The following PI4KA variants were observed in gnomAD, a reference collection of about 807,000 sequenced individuals.
PI4KA encodes the protein phosphatidylinositol 4-kinase alpha.
A neutral mutation model predicts 271.4 loss-of-function variants in PI4KA; 122 were observed. The observed-to-expected ratio is 0.45, with a 90% CI of 0.39 to 0.52. The LOEUF is 0.52. Ranked by LOEUF, PI4KA falls within the 20% of genes least tolerant of loss-of-function variation. The pLI is 0.00. For synonymous variants in PI4KA, 1,041 were observed against 1,078.8 expected (o/e 0.96, Z 0.69); for missense variants, 1,969 against 2,769.1 (o/e 0.71, Z 6.48).
In PI4KA at chr22:20,733,821, G is replaced by C. The variant is rs372615565; in HGVS notation, c.4075C>G (p.Leu1359Val). The C allele has an allele frequency of 2.5e-6, 4 of 1,612,144 alleles. No individual in the cohort carries two copies. The highest frequency in any genetic ancestry group is 2.7e-5 in the African/African-American group (2 of 74,866). ...TTTGGAACCACATCGGCATGCAGGAGGGACAGCCCCAGGGTCAGCAGCCTG... is the reference window on the plus strand; with the variant it reads ...TTTGGAACCACATCGGCATGCAGGACGGACAGCCCCAGGGTCAGCAGCCTG... ...RFKLLTLGLS[L>V]LHADVVPNAT... The change falls in exon 35 of 55, where the codon CTC becomes GTC. Residue 1359 changes from leucine (L) to valine (V), a missense_variant. By Grantham distance (32) the Leu-to-Val change is conservative. Transcript: ENST00000255882.
chr22:20,779,399 G>GT, intron 19 of PI4KA: 1 of 1,614,226 alleles, frequency 6.2e-7, no homozygotes, highest in Non-Finnish European at 8.5e-7. Context: ...ATCAGCTAGA[G>GT]AAAGGAGGGG....
chr22:20,729,340 G>T lies in PI4KA; in HGVS notation c.4655C>A (p.Pro1552His). 1.2e-6 allele frequency: 2 copies of T among 1,613,964 alleles called. No individual in the cohort carries two copies. Among genetic ancestry groups the T allele is most frequent in the Non-Finnish European group, 1.7e-6 (2 of 1,179,936 alleles). The change falls in exon 39 of 55, where the codon CCC becomes CAC. Residue 1552 changes from proline (P) to histidine (H), a missense_variant. Around this residue, in one of 13 missense-constraint regions of PI4KA, gnomAD observed 388 missense variants for 521.5 expected, o/e 0.74. Transcript: ENST00000255882. The stretch of plus-strand genomic sequence containing the variant: ...GGCAGGCAGCTGCACGGCTAGGTAG[G>T]GAGAGATGCTCCAGGCGAGGTTCAC... The part of the protein sequence containing the change: ...DNVNLAWSIS[P>H]YLAVQLPARF...
At chr22:20,823,213 C>T (rs1922940751) in intron 4 of PI4KA, among the ~76,000 whole-genome samples, 1 of 152,156 alleles carries the variant, frequency 6.6e-6, no homozygotes, top group African/African-American at 2.4e-5. Context: ...CGCACCCAGC[C>T]ACTTTTTCCA....
chr22:20,813,251 C>G (rs1037265834), intron 8 of PI4KA, 107 bp downstream of exon 8: 2 of 811,920 alleles, frequency 2.5e-6, no homozygotes, highest in Non-Finnish European at 4.1e-6. Flanking sequence ...TTAAATTGTA[C>G]TTTGAAATAC....
intron 19 of PI4KA, among the ~76,000 whole-genome samples, chr22:20,778,708 A>C (rs1933504322): frequency 6.6e-6 from 1 of 152,132 alleles, no homozygotes; most frequent in African/African-American, 2.4e-5. Context: ...ACTAATGCAC[A>C]TCCCTTCTAG....
chr22:20,732,131 G>A (rs1928147351), intron 36 of PI4KA, among the ~76,000 whole-genome samples: 1 of 146,314 alleles, frequency 6.8e-6, no homozygotes, highest in Non-Finnish European at 1.5e-5. Context: ...CCGAGATTGT[G>A]CCACTGCACT....
In PI4KA at chr22:20,721,421, G is replaced by A; in HGVS notation, c.4996-3C>T. ...ATATACTCCCGCACATAGCCCATCT[G>A]CAGGAGAGCAAGGTCCCTGTCAGCC... On this transcript the variant is annotated splice_region_variant and splice_polypyrimidine_tract_variant and intron_variant, in intron 42 of 54. Coordinates refer to ENST00000255882, the MANE Select transcript of PI4KA (RefSeq NM_058004.4). 1.9e-6 allele frequency: 3 copies of A among 1,613,420 alleles called. No homozygotes were observed. The highest frequency in any genetic ancestry group is 1.7e-6 in the Non-Finnish European group (2 of 1,179,838).
chr22:20,751,564 T>C, intron 26 of PI4KA, 110 bp downstream of exon 26: 3 of 1,044,496 alleles, frequency 2.9e-6, no homozygotes, highest in Non-Finnish European at 3.0e-6. Context: ...GCATTAATTA[T>C]GTTCAGGCTT....
At chr22:20,788,929 C>T in intron 19 of PI4KA, among the ~76,000 whole-genome samples, 1 of 152,168 alleles carries the variant, frequency 6.6e-6, no homozygotes. Flanking sequence ...CCATGTCTGT[C>T]CCATACCCAG....
At chr22:20,793,801 T>C (rs1367515720) in intron 18 of PI4KA, among the ~76,000 whole-genome samples, 1 of 152,236 alleles carries the variant, frequency 6.6e-6, no homozygotes, top group Non-Finnish European at 1.5e-5. Flanking sequence ...GGTTACTTAA[T>C]AAAAGATAGA....
intron 1 of PI4KA, among the ~76,000 whole-genome samples, chr22:20,843,001 G>A (rs1419721149): frequency 6.6e-6 from 1 of 151,574 alleles, no homozygotes; most frequent in Non-Finnish European, 1.5e-5. Context: ...GGGAGGCTGA[G>A]GCAGGAGAAT....
intron 2 of PI4KA, 100 bp from the exon 3 acceptor site, chr22:20,834,755 C>T (rs9620583): frequency 1.4e-6 from 1 of 697,148 alleles, no homozygotes; most frequent in Admixed American, 2.3e-5. Context: ...TATCCACATC[C>T]TAATCATCTC....
intron 42 of PI4KA, 44 bp from the exon 43 acceptor site, chr22:20,721,462 C>T (rs754718678): frequency 6.2e-7 from 1 of 1,607,316 alleles, no homozygotes; most frequent in South Asian, 1.1e-5. Context: ...CGGCCCTCTC[C>T]ATGAGGAGGG....
chr22:20,804,347 T>C lies in PI4KA; in HGVS notation c.1414A>G (p.Ser472Gly), dbSNP rs1298440445. ...GGCAAGTGAGCAATAATGACTTTGC[T>C]GGACGTCTTGGACTGCAGCTTCTCA... is the stretch of plus-strand genomic sequence containing the variant. ...LSEKLQSKTSSKVIIAHLPLL... is the reference protein window; with the variant it reads ...LSEKLQSKTSGKVIIAHLPLL... The change falls in exon 12 of 55, where the codon AGC (serine) becomes GGC (glycine). Residue 472 changes from serine (S) to glycine (G), a missense_variant. Physicochemically the swap from Ser to Gly is moderately conservative, Grantham distance 56. This residue lies in a region of PI4KA where 228 missense variants were observed against 261.6 expected (regional missense o/e 0.87). Transcript: ENST00000255882. The C allele has an allele frequency of 2.5e-6, 4 of 1,613,976 alleles. No homozygotes were observed. Among genetic ancestry groups the C allele is most frequent in the African/African-American group, 1.3e-5 (1 of 74,922 alleles).
intron 36 of PI4KA, among the ~76,000 whole-genome samples, chr22:20,731,024 T>C (rs1479528860): frequency 2.0e-5 from 3 of 151,818 alleles, no homozygotes; most frequent in Non-Finnish European, 2.9e-5. Flanking sequence ...ACAACAACAA[T>C]AAAAATTAGC....
intron 9 of PI4KA, among the ~76,000 whole-genome samples, chr22:20,808,290 CAAA>C (rs998669483): frequency 1.1e-5 from 1 of 90,158 alleles, no homozygotes; most frequent in African/African-American, 4.4e-5. Context: ...AACTCTGTCT[CAAA>C]AAAAAAAAAA....
At chr22:20,776,136 A>C (rs951352439) in intron 19 of PI4KA, among the ~76,000 whole-genome samples, 1 of 152,156 alleles carries the variant, frequency 6.6e-6, no homozygotes, top group Non-Finnish European at 1.5e-5. Context: ...TGTCTGGGCA[A>C]CATGGTAAAA....
chr22:20,819,574 AT>A (rs1382239200), intron 6 of PI4KA, 66 bp downstream of exon 6: 1 of 1,437,394 alleles, frequency 7.0e-7, no homozygotes, highest in Non-Finnish European at 9.5e-7. Flanking sequence ...AAGAAGAGGG[AT>A]TTTCTTCGCA....
chr22:20,776,608 G>A (rs905597585), intron 19 of PI4KA, among the ~76,000 whole-genome samples: 13 of 152,190 alleles, frequency 8.5e-5, no homozygotes, highest in Non-Finnish European at 1.9e-4. Flanking sequence ...TGCTCTGCAC[G>A]GCCAGGGAGT....
Sources: allele counts gnomAD v4.1 joint callset (sites outside exome capture counted in the v4.1 genomes callset), GRCh38; gene constraint gnomAD v4.1.1; regional missense constraint gnomAD v4.1.1; transcripts MANE v1.5; gene names NCBI Gene and HGNC (gene_info 2026-07-23, HGNC 2026-07-21).